ADAMTSL1: variants seen among roughly 807,000 people sequenced by gnomAD.
ADAMTSL1 encodes the protein ADAMTS like 1.
ADAMTSL1 carries 126 observed loss-of-function variants against 201.8 expected under a neutral mutation model. That is an observed-to-expected ratio of 0.62 (90% CI 0.54 to 0.72). The LOEUF (loss-of-function observed/expected upper bound fraction) is 0.72, where lower values mean the gene tolerates loss of function less well. ADAMTSL1 is among the 30% of genes least tolerant of loss of function. ADAMTSL1 has a pLI of 0.00. For missense variants in ADAMTSL1, 2,679 were observed against 2,277.8 expected (o/e 1.18, Z -3.59); for synonymous variants, 1,121 against 903.4 (o/e 1.24, Z -4.32).
chr9:18,348,276 A>G (rs73430941), intron 2 of ADAMTSL1, among the ~76,000 whole-genome samples: 5,629 of 152,268 alleles, frequency 0.037, 369 homozygotes, highest in African/African-American at 0.13. Context: ...AGCTGAACAG[A>G]TGGAGGGAGA....
At chr9:18,656,626 C>T (rs1462663115) in intron 7 of ADAMTSL1, among the ~76,000 whole-genome samples, 1 of 72,904 alleles carries the variant, frequency 1.4e-5, no homozygotes, top group Non-Finnish European at 3.0e-5. Flanking sequence ...AAGACTCCAT[C>T]GCAAAAAAAA....
intron 2 of ADAMTSL1, among the ~76,000 whole-genome samples, chr9:18,347,559 T>C (rs13286935): frequency 0.12 from 18,515 of 152,244 alleles, 1,514 homozygotes; most frequent in Non-Finnish European, 0.18. Context: ...ATAGTTAGAA[T>C]GTTTCAGAAT....
intron 2 of ADAMTSL1, among the ~76,000 whole-genome samples, chr9:18,338,365 T>C (rs546543034): frequency 6.6e-6 from 1 of 152,234 alleles, no homozygotes; most frequent in African/African-American, 2.4e-5. Context: ...AGTGTCTGGT[T>C]TTCTATTTCC....
intron 9 of ADAMTSL1, among the ~76,000 whole-genome samples, chr9:18,671,209 A>C (rs1284431455): frequency 6.6e-6 from 1 of 152,184 alleles, no homozygotes; most frequent in Non-Finnish European, 1.5e-5. Flanking sequence ...GAGAGGAGTT[A>C]GTATTAGGGG....
At chr9:18,710,866 A>G (rs780836033) in intron 14 of ADAMTSL1, among the ~76,000 whole-genome samples, 1 of 152,092 alleles carries the variant, frequency 6.6e-6, no homozygotes, top group Non-Finnish European at 1.5e-5. Context: ...AAACAGCAAT[A>G]CTTACTGAAT....
chr9:18,706,638 T>A, intron 13 of ADAMTSL1, 109 bp from the exon 14 acceptor site: 1 of 1,141,304 alleles, frequency 8.8e-7, no homozygotes, highest in East Asian at 2.6e-5. Context: ...TGAGTACCCC[T>A]GGGACAGCTC....
chr9:18,526,948 G>C (rs1819106334), intron 2 of ADAMTSL1, among the ~76,000 whole-genome samples: 1 of 152,142 alleles, frequency 6.6e-6, no homozygotes. Context: ...CTTTTCTCTT[G>C]TAAAGAGCTC....
intron 2 of ADAMTSL1, among the ~76,000 whole-genome samples, chr9:18,379,715 T>A (rs758207809): frequency 1.3e-4 from 20 of 151,912 alleles, no homozygotes; most frequent in Non-Finnish European, 5.9e-5. Flanking sequence ...GATGAGAGCA[T>A]AAAATAGAAA....
chr9:18,113,872 T>C (rs1032520521), intron 1 of ADAMTSL1, among the ~76,000 whole-genome samples: 2 of 152,120 alleles, frequency 1.3e-5, no homozygotes, highest in Non-Finnish European at 2.9e-5. Flanking sequence ...TTCCACTTTG[T>C]AGATGAGGAA....
chr9:18,243,403 A>T (rs1407996880), intron 2 of ADAMTSL1, among the ~76,000 whole-genome samples: 1 of 151,954 alleles, frequency 6.6e-6, no homozygotes, highest in Admixed American at 6.6e-5. Context: ...ACCATCTCTA[A>T]CCCTGAAGAC....
At chr9:18,593,310 T>C (rs561391728) in intron 4 of ADAMTSL1, among the ~76,000 whole-genome samples, 1 of 152,276 alleles carries the variant, frequency 6.6e-6, no homozygotes, top group South Asian at 2.1e-4. Flanking sequence ...AAAGGAAAGC[T>C]TTCAGTTTTT....
chr9:18,113,153 A>C (rs1197596067), intron 1 of ADAMTSL1, among the ~76,000 whole-genome samples: 1 of 152,162 alleles, frequency 6.6e-6, no homozygotes. Flanking sequence ...GGGATTGTGA[A>C]AAATGGGTGA....
At chr9:18,209,359 C>T (rs1044216382) in intron 2 of ADAMTSL1, among the ~76,000 whole-genome samples, 4 of 152,138 alleles carry the variant, frequency 2.6e-5, no homozygotes, top group Non-Finnish European at 5.9e-5. Context: ...ATGCATTTAA[C>T]TTAACTCTGG....
intron 2 of ADAMTSL1, among the ~76,000 whole-genome samples, chr9:18,300,736 C>G (rs1833675620): frequency 6.6e-6 from 1 of 151,916 alleles, no homozygotes; most frequent in African/African-American, 2.4e-5. Context: ...AGGAAAAAAG[C>G]AAAGGAAATT....
At chr9:17,993,845 G>C (rs573565257) in intron 1 of ADAMTSL1, among the ~76,000 whole-genome samples, 6 of 151,910 alleles carry the variant, frequency 3.9e-5, no homozygotes, top group Non-Finnish European at 8.8e-5. Context: ...ATCTCTTGTG[G>C]GATTTGGATT....
chr9:18,301,909 G>T (rs1833723427), intron 2 of ADAMTSL1, among the ~76,000 whole-genome samples: 1 of 152,254 alleles, frequency 6.6e-6, no homozygotes, highest in South Asian at 2.1e-4. Context: ...AACATTATTT[G>T]AATTTTAACT....
chr9:18,394,907 C>T (rs1447058010), intron 2 of ADAMTSL1, among the ~76,000 whole-genome samples: 1 of 152,170 alleles, frequency 6.6e-6, no homozygotes, highest in Non-Finnish European at 1.5e-5. Flanking sequence ...GGAAAAAAGT[C>T]TGCAAATGGA....
In ADAMTSL1 at chr9:18,706,770, C is replaced by A; in HGVS notation, c.1598C>A (p.Ala533Asp). ...EPSFIPEAWS[A>D]CTVTCGVGTQ... ...AGGTTCATCCCAGAGGCCTGGTCGGCCTGCACAGTCACCTGTGGTGTGGGG... is the reference window on the plus strand; with the variant it reads ...AGGTTCATCCCAGAGGCCTGGTCGGACTGCACAGTCACCTGTGGTGTGGGG... Residue 533 changes from alanine (A) to aspartate (D), a missense_variant, in exon 14 of 29, where the codon GCC (alanine) becomes GAC (aspartate). Ala to Asp is a moderately radical substitution (Grantham distance 126, BLOSUM62 -2). Coordinates refer to ENST00000380548, the MANE Select transcript of ADAMTSL1 (RefSeq NM_001040272.6). 6.2e-7 allele frequency: 1 copy of A among 1,606,348 alleles called. No homozygotes were observed. Among genetic ancestry groups the A allele is most frequent in the African/African-American group, 1.3e-5 (1 of 74,892 alleles).
At chr9:18,865,186 C>T (rs959466874) in intron 23 of ADAMTSL1, among the ~76,000 whole-genome samples, 9 of 152,092 alleles carry the variant, frequency 5.9e-5, no homozygotes, top group Admixed American at 2.0e-4. Context: ...GCTATCCCTC[C>T]CCGCTCCCCC....
Sources: gnomAD v4.1 joint callset for allele counts (sites outside exome capture counted in the v4.1 genomes callset) on GRCh38, gnomAD v4.1.1 for gene constraint, MANE v1.5 for transcripts, NCBI Gene and HGNC (gene_info 2026-07-23, HGNC 2026-07-21) for gene names.